Variants in LRCH2 observed in about 807,000 individuals in gnomAD.
LRCH2 encodes the protein leucine rich repeats and calponin homology domain containing 2.
A neutral mutation model predicts 68.9 loss-of-function variants in LRCH2; 38 were observed. The observed-to-expected ratio is 0.55, with a 90% CI of 0.43 to 0.72. LRCH2 has a LOEUF of 0.72. Among genes scored for constraint, LRCH2 ranks in the 30% least tolerant of loss-of-function variants. LRCH2 has a pLI of 0.00. For missense variants in LRCH2, 528 were observed against 572.9 expected (o/e 0.92, Z 0.80); for synonymous variants, 191 against 208.1 (o/e 0.92, Z 0.71).
intron 1 of LRCH2, among the ~76,000 whole-genome samples, chrX:115,227,254 G>T (rs1258066360): frequency 2.8e-5 from 3 of 107,076 alleles, no homozygotes; most frequent in Non-Finnish European, 5.8e-5. Flanking sequence ...TTCCAGCCCA[G>T]GCAACATAGC....
At chrX:115,152,836 AT>A (rs1370185682) in intron 12 of LRCH2, among the ~76,000 whole-genome samples, 14 of 111,467 alleles carry the variant, frequency 1.3e-4, no homozygotes, top group African/African-American at 4.2e-4. Flanking sequence ...AAAACGAGTG[AT>A]AAAAAATGTT....
Position 115,168,443 on chromosome X carries a change from G to T in LRCH2, c.998+1856C>A, listed in dbSNP as rs1395793322. On this transcript the variant is annotated intron_variant, in intron 6 of 20. Coordinates refer to ENST00000317135, the MANE Select transcript of LRCH2 (RefSeq NM_020871.4). ...CATAAAGTACATACCAGATTTCAAAGATTTAATATTAAATAAGCATATAAA... is the reference window on the plus strand; with the variant it reads ...CATAAAGTACATACCAGATTTCAAATATTTAATATTAAATAAGCATATAAA... Among the ~76,000 whole-genome samples the T allele has an allele frequency of 3.6e-5, 4 of 111,421 alleles. No homozygotes were observed. In the East Asian group the frequency reaches 1.1e-3, roughly 31 times the overall value.
chrX:115,190,410 T>C (rs1556557176), intron 1 of LRCH2: 2 of 1,163,729 alleles, frequency 1.7e-6, no homozygotes, highest in Admixed American at 2.6e-5. Flanking sequence ...CGCCATCTTA[T>C]GGAGGAGGAT....
intron 14 of LRCH2, among the ~76,000 whole-genome samples, chrX:115,135,647 T>C (rs1189352057): frequency 3.6e-5 from 4 of 111,883 alleles, no homozygotes; most frequent in Non-Finnish European, 7.5e-5. Context: ...TTTTAGAGGA[T>C]TGACTCCAAT....
chrX:115,192,620 G>T (rs782143422), intron 1 of LRCH2: 12 of 1,168,817 alleles, frequency 1.0e-5, no homozygotes, highest in South Asian at 1.9e-5. Flanking sequence ...CGCTTCGAGA[G>T]GGGGGAAGGC....
At chrX:115,214,389 C>A (rs2073028518) in intron 1 of LRCH2, among the ~76,000 whole-genome samples, 1 of 112,035 alleles carries the variant, frequency 8.9e-6, no homozygotes, top group African/African-American at 3.2e-5. Context: ...TCTGCCTCAA[C>A]AGATGCCCTC....
Position 115,233,681 on chromosome X carries a change from C to G in LRCH2, c.349+12G>C, listed in dbSNP as rs368872702. 13 of 1,129,409 alleles carry G rather than the reference C, an allele frequency of 1.2e-5. No homozygotes were observed. The highest frequency in any genetic ancestry group is 5.3e-4 in the Middle Eastern group (2 of 3,803). The allele number at this position is 1,129,409 out of a possible 1,213,427, so 93.1% of individuals were successfully genotyped here. On this transcript the variant is annotated intron_variant, in intron 1 of 20. Coordinates refer to ENST00000317135, the MANE Select transcript of LRCH2 (RefSeq NM_020871.4). The stretch of plus-strand genomic sequence containing the variant: ...CCTTCACAGCCAGCTTCCCCTCCCC[C>G]CGTCCTGTCACCTGCTTGGGTGGTG...
At chrX:115,146,266 T>G (rs949362912) in intron 14 of LRCH2, among the ~76,000 whole-genome samples, 7 of 111,372 alleles carry the variant, frequency 6.3e-5, no homozygotes, top group African/African-American at 2.3e-4. Flanking sequence ...AGAAGGATGG[T>G]TACCAGAGGC....
Position 115,113,147 on chromosome X carries a change from A to G in LRCH2, c.*69T>C. 3 of 989,894 alleles carry G rather than the reference A, an allele frequency of 3.0e-6. No individual in the cohort carries two copies. Among genetic ancestry groups the G allele is most frequent in the Non-Finnish European group, 4.0e-6 (3 of 744,018 alleles). The allele number at this position is 989,894 out of a possible 1,213,427, so 81.6% of individuals were successfully genotyped here. On this transcript the variant is annotated 3_prime_UTR_variant, in exon 21 of 21. Transcript: ENST00000317135. ...TATTTTTGACGGAATATTCTTATTC[A>G]TGAATTTGAAATATTTGAAATCACT...
chrX:115,190,629 G>GCCCAATGCCCACAGCGGAGGCCGCTCA, intron 1 of LRCH2: 2 of 1,157,416 alleles, frequency 1.7e-6, no homozygotes, highest in Non-Finnish European at 2.3e-6. Flanking sequence ...GAGGCCGCTC[G>GCCCAATGCCCACAGCGGAGGCCGCTCA]CCCGACGCCC....
At chrX:115,145,189 C>G (rs2072371504) in intron 14 of LRCH2, among the ~76,000 whole-genome samples, 1 of 111,421 alleles carries the variant, frequency 9.0e-6, no homozygotes, top group Non-Finnish European at 1.9e-5. Flanking sequence ...AGAACATACA[C>G]GGGGGAAAAG....
chrX:115,214,480 T>G (rs1470386769), intron 1 of LRCH2, among the ~76,000 whole-genome samples: 1 of 112,097 alleles, frequency 8.9e-6, no homozygotes, highest in African/African-American at 3.2e-5. Context: ...TCTATAACAC[T>G]GAGACCTTGT....
intron 14 of LRCH2, among the ~76,000 whole-genome samples, chrX:115,146,755 C>T (rs898914297): frequency 1.8e-5 from 2 of 109,657 alleles, no homozygotes; most frequent in Admixed American, 2.0e-4. Flanking sequence ...TACTTACTAA[C>T]TTAACCTGAC....
intron 14 of LRCH2, among the ~76,000 whole-genome samples, chrX:115,146,718 A>G (rs937648046): frequency 1.8e-5 from 2 of 110,181 alleles, no homozygotes; most frequent in Non-Finnish European, 3.8e-5. Flanking sequence ...AATCTAAAAG[A>G]GTCAATGTAA....
chrX:115,179,803 T>A, intron 3 of LRCH2, 52 bp from the exon 4 acceptor site: 1 of 510,872 alleles, frequency 2.0e-6, no homozygotes, highest in Non-Finnish European at 2.8e-6. Context: ...GAAATACATA[T>A]ATTATATATA....
At chrX:115,191,879 G>A (rs1215499541) in intron 1 of LRCH2, 3 of 1,163,794 alleles carry the variant, frequency 2.6e-6, no homozygotes, top group Non-Finnish European at 3.4e-6. Context: ...GACCCCTGCA[G>A]AGGAGGAGGC....
chrX:115,125,873 G>C (rs1556527907), intron 16 of LRCH2, among the ~76,000 whole-genome samples: 1 of 108,122 alleles, frequency 9.2e-6, no homozygotes, highest in African/African-American at 3.4e-5. Flanking sequence ...TTCTAAAAGT[G>C]TGTATACCAT....
rs1238704414 is a variant in LRCH2, at chrX:115,146,902, T to TAC, written c.1695+2923_1695+2924dup. Among the ~76,000 whole-genome samples the TAC allele has an allele frequency of 4.7e-3, 254 of 53,856 alleles. 2 individuals carry two copies. The highest frequency in any genetic ancestry group is 0.019 in the African/African-American group (242 of 12,597). 46.8% of individuals were successfully genotyped at this position (53,856 alleles called of 115,157 possible). Reference sequence around the variant, plus strand: ...AAGAAATACAGTTGGATTTCTTACATACATACACACACACACACACACACA... The same window carrying TAC: ...AAGAAATACAGTTGGATTTCTTACATACACATACACACACACACACACACACA... On this transcript the variant is annotated intron_variant, in intron 14 of 20. Coordinates refer to ENST00000317135, the MANE Select transcript of LRCH2 (RefSeq NM_020871.4).
At chrX:115,176,679 C>G (rs1163416463) in intron 5 of LRCH2, among the ~76,000 whole-genome samples, 1 of 111,030 alleles carries the variant, frequency 9.0e-6, no homozygotes, top group Non-Finnish European at 1.9e-5. Context: ...CTCTGTCTTT[C>G]ATGTTAGAGA....
Sources: allele counts gnomAD v4.1 joint callset (sites outside exome capture counted in the v4.1 genomes callset), GRCh38; gene constraint gnomAD v4.1.1; transcripts MANE v1.5; gene names NCBI Gene and HGNC (gene_info 2026-07-23, HGNC 2026-07-21).